Variants in CASZ1 observed in about 807,000 individuals in gnomAD.
CASZ1 encodes zinc finger protein castor homolog 1.
In CASZ1, 28 loss-of-function variants were observed where a neutral mutation model predicts 135.2. The ratio of observed to expected loss-of-function variants is 0.21; its 90% CI spans 0.15 to 0.28. The LOEUF is 0.28. CASZ1 is among the 10% of genes least tolerant of loss of function. CASZ1 has a pLI of 1.00. For missense variants in CASZ1, 2,161 were observed against 2,453.3 expected (o/e 0.88, Z 2.52); for synonymous variants, 1,068 against 1,073.4 (o/e 0.99, Z 0.10).
In CASZ1 at chr1:10,665,309, G is replaced by A. The variant is rs201761485; in HGVS notation, c.279C>T (p.Asn93=). The change falls in exon 5 of 21, where the codon AAC becomes AAT. Residue 93 remains asparagine, a synonymous_variant. Transcript: ENST00000377022. ...GTGCCGGCTCCTCGCTGTACTCCCC[G>A]TTCACCCACTTCTCGATCACTGCCC... is the stretch of plus-strand genomic sequence containing the variant. ...KRRAVIEKWV[N]GEYSEEPAPT... 3.4e-4 allele frequency: 541 copies of A among 1,612,746 alleles called. 2 individuals are homozygous for A. In the African/African-American group the frequency reaches 5.1e-3, roughly 15 times the overall value.
At chr1:10,693,394 A>C (rs1638826359) in intron 4 of CASZ1, among the ~76,000 whole-genome samples, 2 of 149,458 alleles carry the variant, frequency 1.3e-5, no homozygotes, top group African/African-American at 5.0e-5. Context: ...CAGACTAACC[A>C]CCTTTCCCAA....
intron 4 of CASZ1, among the ~76,000 whole-genome samples, chr1:10,688,519 T>G (rs116286507): frequency 1.0e-3 from 156 of 152,280 alleles, no homozygotes; most frequent in African/African-American, 3.7e-3. Context: ...AAGGCCACTC[T>G]TTCACAAAGC....
chr1:10,651,191 G>A, intron 11 of CASZ1, 115 bp from the exon 12 acceptor site: 1 of 791,926 alleles, frequency 1.3e-6, no homozygotes, highest in Non-Finnish European at 1.8e-6. Context: ...CCGGCTACTG[G>A]TCAGCGCTTC....
At chr1:10,780,703 A>G (rs1640748464) in intron 1 of CASZ1, among the ~76,000 whole-genome samples, 1 of 152,252 alleles carries the variant, frequency 6.6e-6, no homozygotes, top group East Asian at 1.9e-4. Context: ...TGTTTAAAAT[A>G]TGGTTCTATT....
rs951517077 is a variant in CASZ1, at chr1:10,657,565, T to A, written c.1410-829A>T. 1.3e-5 allele frequency among the ~76,000 whole-genome samples: 2 copies of A among 151,954 alleles called. No homozygotes were observed. The highest frequency in any genetic ancestry group is 2.9e-5 in the Non-Finnish European group (2 of 68,000). Reference sequence around the variant, plus strand: ...CCATCTGCGGAGGCACTAATAATAATGGTAATAATAATACCACAGAGGAGA... The same window carrying A: ...CCATCTGCGGAGGCACTAATAATAAAGGTAATAATAATACCACAGAGGAGA... On this transcript the variant is annotated intron_variant, in intron 7 of 20. Transcript: ENST00000377022. The surrounding 1 kb of genome is among the most constrained non-coding windows in gnomAD (Gnocchi z 5.7).
At chr1:10,691,058 GTCC>G (rs1193843453) in intron 4 of CASZ1, among the ~76,000 whole-genome samples, 2 of 146,700 alleles carry the variant, frequency 1.4e-5, no homozygotes, top group African/African-American at 5.0e-5. Context: ...ATGGAACTAT[GTCC>G]TCCTCTCTTC....
intron 2 of CASZ1, among the ~76,000 whole-genome samples, chr1:10,738,457 G>A (rs1252248631): frequency 6.6e-6 from 1 of 152,248 alleles, no homozygotes; most frequent in Non-Finnish European, 1.5e-5. Context: ...ACAATGGCTG[G>A]CAGAGAGGCC....
intron 1 of CASZ1, among the ~76,000 whole-genome samples, chr1:10,769,641 C>T (rs1167598880): frequency 6.6e-6 from 1 of 152,046 alleles, no homozygotes; most frequent in Admixed American, 6.6e-5. Context: ...CTCTGCCTCC[C>T]GAATAGCTGG....
chr1:10,720,588 G>A lies in CASZ1; in HGVS notation c.-76-15044C>T, dbSNP rs187184649. Among the ~76,000 whole-genome samples the A allele has an allele frequency of 1.2e-3, 190 of 152,296 alleles. No homozygotes were observed. Among genetic ancestry groups the A allele is most frequent in the African/African-American group, 4.4e-3 (181 of 41,552 alleles). On this transcript the variant is annotated intron_variant, in intron 2 of 20. Coordinates refer to ENST00000377022, the MANE Select transcript of CASZ1 (RefSeq NM_001079843.3). The surrounding 1 kb of genome is among the most constrained non-coding windows in gnomAD (Gnocchi z 5.7). ...TTTGCCTATCAAAAACTGTACATTC[G>A]CTCGGCTTTCCACGGGACTCATGTC...
chr1:10,639,089 G>T lies in CASZ1; in HGVS notation c.5133C>A (p.Asp1711Glu). Residue 1711 changes from aspartate (D) to glutamate (E), a missense_variant, in exon 21 of 21, where the codon GAC becomes GAA. Coordinates refer to ENST00000377022, the MANE Select transcript of CASZ1 (RefSeq NM_001079843.3). This position sits in a 1 kb window ranked among gnomAD's most constrained non-coding sequence, Gnocchi z 4.0. ...CCGAGTCGGTGCGCAGGTCCTCGTC[G>T]TCGTCGTCCTCGTCGTCGTCCTCGT... The part of the protein sequence containing the change: ...DDDEDDDEDD[D>E]DEDLRTDSEE... The T allele has an allele frequency of 9.6e-7, 1 of 1,041,772 alleles. No individual in the cohort carries two copies. The allele number at this position is 1,041,772 out of a possible 1,614,324, so 64.5% of individuals were successfully genotyped here. A position where few individuals can be genotyped will look rare whatever the true frequency, so the allele number is the denominator to read the frequency against.
intron 2 of CASZ1, among the ~76,000 whole-genome samples, chr1:10,716,879 G>C (rs1216969721): frequency 6.6e-6 from 1 of 152,220 alleles, no homozygotes; most frequent in Non-Finnish European, 1.5e-5. Flanking sequence ...ACATTGTACA[G>C]AGCGGGGGTC....
At chr1:10,740,778 G>A (rs966307084) in intron 2 of CASZ1, among the ~76,000 whole-genome samples, 4 of 152,068 alleles carry the variant, frequency 2.6e-5, no homozygotes, top group Non-Finnish European at 4.4e-5. Context: ...GTGAGACCCT[G>A]TGTCTCCACA....
At chr1:10,692,579 C>A (rs527343588) in intron 4 of CASZ1, among the ~76,000 whole-genome samples, 5 of 152,180 alleles carry the variant, frequency 3.3e-5, no homozygotes, top group Non-Finnish European at 7.4e-5. Context: ...CCTTCCCGGG[C>A]GCAGAGGTCC....
intron 1 of CASZ1, among the ~76,000 whole-genome samples, chr1:10,779,815 G>T (rs1330854040): frequency 6.6e-6 from 1 of 152,220 alleles, no homozygotes; most frequent in African/African-American, 2.4e-5. Flanking sequence ...TTATTCCGTC[G>T]TGATATTCCT....
chr1:10,743,343 C>T (rs558656371), intron 2 of CASZ1, among the ~76,000 whole-genome samples: 45 of 151,664 alleles, frequency 3.0e-4, no homozygotes, highest in South Asian at 1.0e-3. Context: ...TCCCCACGGT[C>T]GGAGAAGGAG....
intron 4 of CASZ1, among the ~76,000 whole-genome samples, chr1:10,684,454 TA>T (rs942737147): frequency 1.4e-4 from 22 of 152,114 alleles, no homozygotes; most frequent in African/African-American, 5.3e-4. Context: ...CAAGGGGGTT[TA>T]AGTGGAGCCA....
chr1:10,758,646 C>T (rs1032105224), intron 2 of CASZ1, among the ~76,000 whole-genome samples: 3 of 152,138 alleles, frequency 2.0e-5, no homozygotes, highest in African/African-American at 7.2e-5. Flanking sequence ...ACCCTCTGTA[C>T]TGCTGGATAA....
chr1:10,686,033 G>A (rs1211073859), intron 4 of CASZ1, among the ~76,000 whole-genome samples: 1 of 152,206 alleles, frequency 6.6e-6, no homozygotes, highest in African/African-American at 2.4e-5. Context: ...TGGGGCCTGA[G>A]GTAGACCATG....
At chr1:10,743,810 C>G (rs12026593) in intron 2 of CASZ1, among the ~76,000 whole-genome samples, 17,332 of 138,088 alleles carry the variant, frequency 0.13, 1,257 homozygotes, top group Middle Eastern at 0.2. Context: ...TTTAGGTACC[C>G]GATGAGCAGA....
Sources: allele counts gnomAD v4.1 joint callset (sites outside exome capture counted in the v4.1 genomes callset), GRCh38; gene constraint gnomAD v4.1.1; non-coding constraint Gnocchi (gnomAD v3.1); transcripts MANE v1.5; gene names NCBI Gene and HGNC (gene_info 2026-07-23, HGNC 2026-07-21).